RREB1: variants seen among roughly 807,000 people sequenced by gnomAD.
The protein encoded by RREB1 is ras responsive element binding protein 1, also known as ras-responsive element-binding protein 1.
RREB1 carries 27 observed loss-of-function variants against 117.8 expected under a neutral mutation model. The ratio of observed to expected loss-of-function variants is 0.23; its 90% CI spans 0.17 to 0.32. RREB1 has a LOEUF of 0.32. RREB1 is among the 10% of genes least tolerant of loss of function. The pLI is 1.00. For missense variants in RREB1, 2,577 were observed against 2,378.2 expected, an observed-to-expected ratio of 1.08 and a Z score of -1.74; for synonymous variants, 1,298 against 1,026.7, an observed-to-expected ratio of 1.26 and a Z score of -5.05.
intron 6 of RREB1, among the ~76,000 whole-genome samples, chr6:7,196,053 C>T (rs1244863272): frequency 1.3e-5 from 2 of 152,194 alleles, no homozygotes; most frequent in African/African-American, 2.4e-5. Context: ...CCTTCCCCCT[C>T]CTCCTGCTCA....
chr6:7,248,703 A>G lies in RREB1; in HGVS notation c.4964A>G (p.Asn1655Ser), dbSNP rs1424774141. 2 of 1,614,232 alleles carry G rather than the reference A, an allele frequency of 1.2e-6. No homozygotes were observed. The highest frequency in any genetic ancestry group is 8.5e-7 in the Non-Finnish European group (1 of 1,180,036). The change falls in exon 13 of 13, where the codon AAC (asparagine) becomes AGC (serine). Residue 1655 changes from asparagine (N) to serine (S), a missense_variant. By Grantham distance (46) the Asn-to-Ser change is conservative (BLOSUM62 1). Coordinates refer to ENST00000379938, the MANE Select transcript of RREB1 (RefSeq NM_001003699.4). The part of the protein sequence containing the change: ...THSGNNAVSE[N>S]EAELAPNASN... Reference sequence around the variant, plus strand: ...AGCGGCAACAACGCCGTCTCAGAGAACGAGGCTGAGCTGGCTCCCAATGCC... The same window carrying G: ...AGCGGCAACAACGCCGTCTCAGAGAGCGAGGCTGAGCTGGCTCCCAATGCC...
Position 7,230,216 on chromosome 6 carries a change from A to ACC in RREB1, c.2120_2121dup (p.Phe708ProfsTer31). On this transcript the variant is annotated frameshift_variant, in exon 10 of 13. Transcript: ENST00000379938. LOFTEE classifies it high-confidence loss of function. The stretch of plus-strand genomic sequence containing the variant: ...CCCTACATTTGCAAGATCTGCCACT[A>ACC]CCCCTTCACTGTCAAAGCCAACTGC... 1 of 1,604,958 alleles carries ACC rather than the reference A, an allele frequency of 6.2e-7. No homozygotes were observed.
At chr6:7,187,407 A>G in intron 4 of RREB1, 27 bp from the exon 5 acceptor site, 1 of 1,413,758 alleles carries the variant, frequency 7.1e-7, no homozygotes, top group Non-Finnish European at 1.0e-6. Context: ...GTTGAAATTT[A>G]TCTTCCCTTT....
At chr6:7,199,004 T>C (rs1765802299) in intron 6 of RREB1, among the ~76,000 whole-genome samples, 1 of 152,228 alleles carries the variant, frequency 6.6e-6, no homozygotes, top group African/African-American at 2.4e-5. Flanking sequence ...CCAGTAGCAT[T>C]ATTAAGCTTT....
Position 7,249,243 on chromosome 6 carries a change from A to G in RREB1, c.*275A>G. On this transcript the variant is annotated 3_prime_UTR_variant, in exon 13 of 13. Coordinates refer to ENST00000379938, the MANE Select transcript of RREB1 (RefSeq NM_001003699.4). ...ATCATGGGTGTTGTATTTTTCCAAA[A>G]TGACTTCTTAAACAAAACAAATATT... The G allele has an allele frequency of 2.4e-6, 1 of 421,464 alleles. No homozygotes were observed. The highest frequency in any genetic ancestry group is 4.2e-6 in the Non-Finnish European group (1 of 237,616). The allele number at this position is 421,464 out of a possible 1,614,324, so 26.1% of individuals were successfully genotyped here.
chr6:7,174,338 A>G (rs1404231064), intron 1 of RREB1, among the ~76,000 whole-genome samples: 2 of 151,956 alleles, frequency 1.3e-5, no homozygotes, highest in African/African-American at 2.4e-5. Context: ...TATTCAAATC[A>G]TTTACACCCA....
chr6:7,230,823 C>T lies in RREB1; in HGVS notation c.2724C>T (p.Ala908=), dbSNP rs1463493633. 1.9e-6 allele frequency: 3 copies of T among 1,614,242 alleles called. No individual in the cohort carries two copies. Among genetic ancestry groups the T allele is most frequent in the Non-Finnish European group, 1.7e-6 (2 of 1,180,040 alleles). Residue 908 remains alanine, a synonymous_variant, in exon 10 of 13, where the codon GCC becomes GCT. Transcript: ENST00000379938. The part of the protein sequence containing the change: ...EPLDFSQKGL[A]LVQVKQENIS... ...TGGACTTCTCGCAGAAGGGCCTGGC[C>T]CTGGTCCAAGTGAAGCAGGAAAACA...
intron 6 of RREB1, among the ~76,000 whole-genome samples, chr6:7,192,116 A>ATTTTTTTTTTTTTTTTTTTTTTTTTTT (rs34074532): frequency 6.5e-5 from 1 of 15,296 alleles, no homozygotes; most frequent in African/African-American, 3.0e-4. Context: ...TTGTCAGATG[A>ATTTTTTTTTTTTTTTTTTTTTTTTTTT]TTTTTTTTTT....
chr6:7,196,218 GT>G (rs58448175), intron 6 of RREB1, among the ~76,000 whole-genome samples: 68,776 of 120,756 alleles, frequency 0.57, 18,217 homozygotes, highest in African/African-American at 0.64. Flanking sequence ...TTTTTTTTTC[GT>G]TTTTTTTTTT....
At chr6:7,135,378 C>G (rs988127894) in intron 1 of RREB1, among the ~76,000 whole-genome samples, 3 of 152,190 alleles carry the variant, frequency 2.0e-5, no homozygotes, top group Non-Finnish European at 2.9e-5. Context: ...TCTAAGCATT[C>G]TGAAAGCTGC....
chr6:7,122,541 C>T (rs1189430794), intron 1 of RREB1, among the ~76,000 whole-genome samples: 1 of 152,218 alleles, frequency 6.6e-6, no homozygotes, highest in East Asian at 1.9e-4. Flanking sequence ...GCTGGGATTA[C>T]AGGCATGAGC....
At position 7,231,166 on chromosome 6, in the gene RREB1, C is replaced by G; in HGVS notation, c.3067C>G (p.Leu1023Val). The G allele has an allele frequency of 2.5e-6, 4 of 1,611,924 alleles. No individual in the cohort carries two copies. The highest frequency in any genetic ancestry group is 3.4e-6 in the Non-Finnish European group (4 of 1,179,446). Residue 1023 changes from leucine (L) to valine (V), a missense_variant, in exon 10 of 13, where the codon CTG (leucine) becomes GTG (valine). Physicochemically the swap from Leu to Val is conservative, Grantham distance 32. Transcript: ENST00000379938. ...QLAVPIYSSA[L>V]VSSPPLVGSS... is the part of the protein sequence containing the mutation. ...GGCGGTCCCAATCTACTCCTCAGCC[C>G]TGGTCAGCAGCCCTCCACTCGTGGG...
chr6:7,175,585 T>C (rs1764458075), intron 1 of RREB1, among the ~76,000 whole-genome samples: 1 of 152,206 alleles, frequency 6.6e-6, no homozygotes, highest in Non-Finnish European at 1.5e-5. Flanking sequence ...TTATTTTACC[T>C]CTGAGTTTTC....
intron 1 of RREB1, among the ~76,000 whole-genome samples, chr6:7,136,531 T>A (rs1350005674): frequency 1.3e-5 from 2 of 152,178 alleles, no homozygotes; most frequent in African/African-American, 4.8e-5. Flanking sequence ...TATCCTCAGC[T>A]TCCCAAAATG....
intron 1 of RREB1, among the ~76,000 whole-genome samples, chr6:7,117,031 T>C (rs1761429078): frequency 6.6e-6 from 1 of 152,194 alleles, no homozygotes; most frequent in Non-Finnish European, 1.5e-5. Context: ...CTGTGTATAA[T>C]TTAGCTTCTC....
At chr6:7,150,852 G>A (rs1763089475) in intron 1 of RREB1, among the ~76,000 whole-genome samples, 1 of 152,264 alleles carries the variant, frequency 6.6e-6, no homozygotes, top group African/African-American at 2.4e-5. Context: ...TTGAGATGGT[G>A]TGCTTGTAAC....
At position 7,231,120 on chromosome 6, in the gene RREB1, C is replaced by T. The variant is rs959751199; in HGVS notation, c.3021C>T (p.Pro1007=). The T allele has an allele frequency of 1.9e-6, 3 of 1,612,800 alleles. No homozygotes were observed. Among genetic ancestry groups the T allele is most frequent in the Non-Finnish European group, 2.5e-6 (3 of 1,179,940 alleles). Residue 1007 remains proline (P), a synonymous_variant, in exon 10 of 13, where the codon CCC becomes CCT. Transcript: ENST00000379938. ...CCACCCCGGAACCCCCAGCACAGCCCCTGCAGGGCCCTGTTCAGCTGGCGG... is the reference window on the plus strand; with the variant it reads ...CCACCCCGGAACCCCCAGCACAGCCTCTGCAGGGCCCTGTTCAGCTGGCGG... The part of the protein sequence containing the change: ...PAATPEPPAQ[P]LQGPVQLAVP...
rs59106767 is a variant in RREB1, at chr6:7,174,151, C to CTT, written c.-284-2488_-284-2487dup. On this transcript the variant is annotated intron_variant, in intron 1 of 12. Coordinates refer to ENST00000379938, the MANE Select transcript of RREB1 (RefSeq NM_001003699.4). Reference sequence around the variant, plus strand: ...ATCTTTAGGGTGCTACTAGTCTTTCCTTTTTTTTTTTTTTTTTCTGAAGCA... The same window carrying CTT: ...ATCTTTAGGGTGCTACTAGTCTTTCCTTTTTTTTTTTTTTTTTTTCTGAAGCA... 6.6e-4 allele frequency among the ~76,000 whole-genome samples: 87 copies of CTT among 131,058 alleles called. 2 individuals carry two copies. The highest frequency in any genetic ancestry group is 3.9e-3 in the Middle Eastern group (1 of 256). The allele number at this position is 131,058 out of a possible 152,430, so 86.0% of individuals were successfully genotyped here.
intron 9 of RREB1, 150 bp downstream of exon 9, chr6:7,226,806 T>A: frequency 1.5e-6 from 1 of 663,182 alleles, no homozygotes; most frequent in Non-Finnish European, 2.6e-6. Context: ...CTTAAAATTA[T>A]TGTTGGCCCT....
Sources: allele counts gnomAD v4.1 joint callset (sites outside exome capture counted in the v4.1 genomes callset), GRCh38; gene constraint gnomAD v4.1.1; transcripts MANE v1.5; gene names NCBI Gene and HGNC (gene_info 2026-07-23, HGNC 2026-07-21).